HS2ST1: variants seen among roughly 807,000 people sequenced by gnomAD.
HS2ST1 encodes the protein 2-O-sulfotransferase.
A neutral mutation model predicts 42.9 loss-of-function variants in HS2ST1; 18 were observed. The observed-to-expected ratio is 0.42, with a 90% CI of 0.29 to 0.62. The LOEUF (loss-of-function observed/expected upper bound fraction) is 0.62. Among genes scored for constraint, HS2ST1 ranks in the 20% least tolerant of loss-of-function variants. HS2ST1 has a pLI of 0.21. For synonymous variants in HS2ST1, 146 were observed against 152.9 expected (o/e 0.95, Z 0.33); for missense variants, 334 against 433.8 (o/e 0.77, Z 2.04).
intron 1 of HS2ST1, among the ~76,000 whole-genome samples, chr1:86,930,733 A>T (rs1311815322): frequency 2.0e-5 from 3 of 151,976 alleles, no homozygotes; most frequent in Non-Finnish European, 4.4e-5. Flanking sequence ...TGAATTTCCC[A>T]CATATCCAAG....
intron 1 of HS2ST1, among the ~76,000 whole-genome samples, chr1:86,972,550 C>T (rs1648263358): frequency 6.6e-6 from 1 of 152,044 alleles, no homozygotes; most frequent in East Asian, 1.9e-4. Flanking sequence ...CTTATTGTGC[C>T]TAATTTGTAA....
intron 1 of HS2ST1, among the ~76,000 whole-genome samples, chr1:87,035,690 T>G (rs898198105): frequency 6.6e-6 from 1 of 152,222 alleles, no homozygotes; most frequent in Non-Finnish European, 1.5e-5. Context: ...ATTTTTATTT[T>G]ATAAGAAAGT....
intron 1 of HS2ST1, among the ~76,000 whole-genome samples, chr1:86,975,906 G>A (rs891898463): frequency 6.6e-6 from 1 of 152,168 alleles, no homozygotes; most frequent in African/African-American, 2.4e-5. Context: ...TCTACAGGCT[G>A]TAAATTTTGG....
chr1:86,991,365 A>C (rs1325959466), intron 1 of HS2ST1, among the ~76,000 whole-genome samples: 7 of 152,182 alleles, frequency 4.6e-5, no homozygotes, highest in Non-Finnish European at 1.0e-4. Flanking sequence ...TTAAGGACAG[A>C]AAAAGGAAAA....
intron 1 of HS2ST1, among the ~76,000 whole-genome samples, chr1:87,042,226 C>A (rs894301743): frequency 2.6e-4 from 39 of 152,002 alleles, no homozygotes; most frequent in African/African-American, 8.7e-4. Context: ...CAGCTGTTAA[C>A]CCCTTATCAG....
intron 3 of HS2ST1, among the ~76,000 whole-genome samples, chr1:87,090,636 T>G (rs1651916612): frequency 6.6e-6 from 1 of 152,042 alleles, no homozygotes. Flanking sequence ...AATGACCTTT[T>G]AATATGAGTT....
intron 1 of HS2ST1, among the ~76,000 whole-genome samples, chr1:86,921,840 C>T (rs1214903423): frequency 6.6e-6 from 1 of 152,148 alleles, no homozygotes; most frequent in Admixed American, 6.5e-5. Flanking sequence ...AATACAGACA[C>T]TTCAGTTTTC....
chr1:86,960,329 A>G (rs1447530231), intron 1 of HS2ST1, among the ~76,000 whole-genome samples: 1 of 152,052 alleles, frequency 6.6e-6, no homozygotes, highest in East Asian at 1.9e-4. Context: ...AAAATGTAAA[A>G]CTCCTAGAAG....
intron 1 of HS2ST1, among the ~76,000 whole-genome samples, chr1:87,010,061 A>C (rs902427653): frequency 4.8e-4 from 73 of 152,020 alleles, no homozygotes; most frequent in East Asian, 7.7e-4. Context: ...AAAACAAAAA[A>C]AAAAACAAAA....
chr1:87,056,767 A>C (rs955835443), intron 1 of HS2ST1, among the ~76,000 whole-genome samples: 1 of 152,214 alleles, frequency 6.6e-6, no homozygotes, highest in Non-Finnish European at 1.5e-5. Flanking sequence ...ATAACTCCGT[A>C]TACCAATATT....
chr1:87,081,116 G>C (rs1389495307), intron 2 of HS2ST1, among the ~76,000 whole-genome samples: 1 of 152,098 alleles, frequency 6.6e-6, no homozygotes, highest in African/African-American at 2.4e-5. Flanking sequence ...AATAGCTAGA[G>C]ACTTGAAGAC....
chr1:87,053,682 A>G (rs184946813), intron 1 of HS2ST1, among the ~76,000 whole-genome samples: 13 of 152,344 alleles, frequency 8.5e-5, no homozygotes, highest in South Asian at 2.1e-4. Context: ...TCAGTAAGAC[A>G]TGAAACTAGC....
At chr1:86,954,045 A>T (rs1278234023) in intron 1 of HS2ST1, among the ~76,000 whole-genome samples, 17 of 122,934 alleles carry the variant, frequency 1.4e-4, no homozygotes, top group African/African-American at 7.7e-4. Flanking sequence ...TTTTTTAAAA[A>T]AAAAAAAAAA....
intron 2 of HS2ST1, among the ~76,000 whole-genome samples, chr1:87,075,410 G>A (rs138490575): frequency 1.7e-4 from 26 of 152,006 alleles, no homozygotes; most frequent in East Asian, 9.7e-4. Context: ...CAGGTGATCC[G>A]CCCACCTAGG....
chr1:87,042,445 T>A (rs1026612899), intron 1 of HS2ST1, among the ~76,000 whole-genome samples: 2 of 152,158 alleles, frequency 1.3e-5, no homozygotes, highest in Admixed American at 6.5e-5. Context: ...TTTACAGTTC[T>A]GGGTCCTTTG....
In HS2ST1 at chr1:87,104,726, C is replaced by T. The variant is rs752854982; in HGVS notation, c.*30C>T. On this transcript the variant is annotated 3_prime_UTR_variant, in exon 7 of 7. Transcript: ENST00000370550. ...AAGGTGTGACTATTGGATTCTTGAA[C>T]TAAAATTTGACCCTGTCTTCACCTT... 1 of 1,371,172 alleles carries T rather than the reference C, an allele frequency of 7.3e-7. No homozygotes were observed. The highest frequency in any genetic ancestry group is 1.2e-5 in the South Asian group (1 of 85,170). 84.9% of individuals were successfully genotyped at this position (1,371,172 alleles called of 1,614,324 possible).
In HS2ST1 at chr1:87,104,507, A is replaced by T. The variant is rs758982803; in HGVS notation, c.882A>T (p.Lys294Asn). Residue 294 changes from lysine (K) to asparagine (N), a missense_variant, in exon 7 of 7, where the codon AAA (lysine) becomes AAT (asparagine). Lys to Asn is a moderately conservative substitution (Grantham distance 94). Coordinates refer to ENST00000370550, the MANE Select transcript of HS2ST1 (RefSeq NM_012262.4). ...KSHLRKTTEKKLPTKQTIAKL... is the reference protein window; with the variant it reads ...KSHLRKTTEKNLPTKQTIAKL... The stretch of plus-strand genomic sequence containing the variant: ...ATCTTAGGAAAACCACAGAGAAGAA[A>T]CTCCCCACTAAACAAACCATTGCAA... 1.2e-6 allele frequency: 2 copies of T among 1,613,206 alleles called. No individual in the cohort carries two copies. The highest frequency in any genetic ancestry group is 8.5e-7 in the Non-Finnish European group (1 of 1,179,274).
chr1:87,057,201 TAATA>T (rs1570517914), intron 1 of HS2ST1, among the ~76,000 whole-genome samples: 1 of 152,232 alleles, frequency 6.6e-6, no homozygotes, highest in Admixed American at 6.5e-5. Context: ...TAAAGTGAGT[TAATA>T]AATGTTTCTC....
At chr1:87,006,736 T>C (rs933794413) in intron 1 of HS2ST1, among the ~76,000 whole-genome samples, 1 of 152,096 alleles carries the variant, frequency 6.6e-6, no homozygotes, top group Non-Finnish European at 1.5e-5. Context: ...TTTAGTCATT[T>C]CTTCTCATAA....
Sources: allele counts gnomAD v4.1 joint callset (sites outside exome capture counted in the v4.1 genomes callset), GRCh38; gene constraint gnomAD v4.1.1; transcripts MANE v1.5; gene names NCBI Gene and HGNC (gene_info 2026-07-23, HGNC 2026-07-21).